RASAL2: variants seen among roughly 807,000 people sequenced by gnomAD.
RASAL2 encodes the protein ras GTPase-activating protein nGAP.
In RASAL2, 58 loss-of-function variants were observed where a neutral mutation model predicts 128.9. That is an observed-to-expected ratio of 0.45 (90% confidence interval 0.36 to 0.56). RASAL2 has a LOEUF of 0.56. Among genes scored for constraint, RASAL2 ranks in the 20% least tolerant of loss-of-function variants. The pLI is 0.00. For missense variants in RASAL2, 1,360 were observed against 1,601.6 expected (o/e 0.85, Z 2.57); for synonymous variants, 561 against 580.8 (o/e 0.97, Z 0.49).
At chr1:178,227,946 A>C (rs1248142876) in intron 1 of RASAL2, among the ~76,000 whole-genome samples, 2 of 152,198 alleles carry the variant, frequency 1.3e-5, no homozygotes, top group Non-Finnish European at 2.9e-5. Flanking sequence ...TATTTTCTTT[A>C]AAATTCCTAA....
intron 2 of RASAL2, among the ~76,000 whole-genome samples, chr1:178,299,017 G>T (rs1477261229): frequency 6.6e-6 from 1 of 151,868 alleles, no homozygotes; most frequent in Non-Finnish European, 1.5e-5. Context: ...TAGTATTAGA[G>T]ATTTTTTTTT....
At chr1:178,266,551 G>A (rs1165123954) in intron 1 of RASAL2, among the ~76,000 whole-genome samples, 3 of 152,148 alleles carry the variant, frequency 2.0e-5, no homozygotes, top group African/African-American at 4.8e-5. Context: ...TCGATAAGAC[G>A]ACATGGACAC....
intron 4 of RASAL2, among the ~76,000 whole-genome samples, 172 bp from the exon 5 acceptor site, chr1:178,420,339 A>C (rs751436207): frequency 6.6e-6 from 1 of 152,226 alleles, no homozygotes; most frequent in Non-Finnish European, 1.5e-5. Context: ...TTTTCTCATC[A>C]CATTGCCAGG....
intron 12 of RASAL2, chr1:178,456,418 G>T: frequency 4.7e-6 from 2 of 421,560 alleles, no homozygotes; most frequent in Non-Finnish European, 8.8e-6. Flanking sequence ...TATTTTAGTT[G>T]GAATGGCATT....
In RASAL2 at chr1:178,318,851, G is replaced by T. The variant is rs1170488100; in HGVS notation, c.457+18733G>T. On this transcript the variant is annotated intron_variant, in intron 3 of 17. Transcript: ENST00000367649. ...TCCTGTCATTATGATGTTAGCTGGT[G>T]ATTTTGCTCGTTAGTTGATGCAGTT... Among the ~76,000 whole-genome samples the T allele has an allele frequency of 8.6e-5, 13 of 151,852 alleles. No homozygotes were observed. The South Asian group carries it at 1.7e-3, about 20-fold the overall frequency.
chr1:178,094,585 G>T lies in RASAL2; in HGVS notation c.93G>T (p.Pro31=). The T allele has an allele frequency of 6.2e-7, 1 of 1,608,812 alleles. No homozygotes were observed. The highest frequency in any genetic ancestry group is 1.1e-5 in the South Asian group (1 of 90,126). ...PALESDSPLP[P]EDLDAVVPVS... ...TGGAGTCCGACTCGCCGCTGCCCCC[G>T]GAGGACCTGGACGCGGTTGTCCCAG... is the stretch of plus-strand genomic sequence containing the variant. Residue 31 remains proline (P), a synonymous_variant, in exon 1 of 18, where the codon CCG becomes CCT. Transcript: ENST00000367649.
At chr1:178,114,714 G>A (rs1202596557) in intron 1 of RASAL2, among the ~76,000 whole-genome samples, 1 of 152,112 alleles carries the variant, frequency 6.6e-6, no homozygotes, top group Non-Finnish European at 1.5e-5. Flanking sequence ...AGTAGAGACG[G>A]TGTTTCACCA....
chr1:178,286,975 T>C (rs932682576), intron 2 of RASAL2, among the ~76,000 whole-genome samples: 3 of 152,130 alleles, frequency 2.0e-5, no homozygotes, highest in African/African-American at 7.2e-5. Context: ...TCATTTCTTA[T>C]TTCAGCAATC....
chr1:178,439,490 T>G lies in RASAL2; in HGVS notation c.743T>G (p.Val248Gly). The G allele has an allele frequency of 6.2e-7, 1 of 1,612,896 alleles. No individual in the cohort carries two copies. The highest frequency in any genetic ancestry group is 8.5e-7 in the Non-Finnish European group (1 of 1,179,190). Residue 248 changes from valine (V) to glycine (G), a missense_variant, in exon 6 of 18, where the codon GTG (valine) becomes GGG (glycine). Physicochemically the swap from Val to Gly is moderately radical, Grantham distance 109 (BLOSUM62 -3). Transcript: ENST00000367649. Reference sequence around the variant, plus strand: ...TCCTTGCTGAGCCCATGCAGCACAGTGGAATGTCTGGATCTTGGTAGAGGG... The same window carrying G: ...TCCTTGCTGAGCCCATGCAGCACAGGGGAATGTCTGGATCTTGGTAGAGGG... The part of the protein sequence containing the change: ...HESLLSPCST[V>G]ECLDLGRGEP...
chr1:178,227,219 T>G (rs1663824945), intron 1 of RASAL2, among the ~76,000 whole-genome samples: 1 of 152,160 alleles, frequency 6.6e-6, no homozygotes, highest in Non-Finnish European at 1.5e-5. Context: ...ACCCTATTTA[T>G]TTTTGTATTT....
At chr1:178,322,908 A>C (rs940839669) in intron 3 of RASAL2, among the ~76,000 whole-genome samples, 1 of 152,168 alleles carries the variant, frequency 6.6e-6, no homozygotes, top group Admixed American at 6.5e-5. Context: ...GGTTCTGGCC[A>C]CATAGGACTG....
At chr1:178,237,809 AC>A (rs1664321139) in intron 1 of RASAL2, among the ~76,000 whole-genome samples, 1 of 152,130 alleles carries the variant, frequency 6.6e-6, no homozygotes, top group Non-Finnish European at 1.5e-5. Flanking sequence ...TTCAACCATC[AC>A]CATCATCCAT....
chr1:178,444,407 A>C (rs2102854758), intron 8 of RASAL2, among the ~76,000 whole-genome samples: 1 of 152,274 alleles, frequency 6.6e-6, no homozygotes, highest in African/African-American at 2.4e-5. Flanking sequence ...CTAAGTCTAC[A>C]ACTCTGTTAT....
chr1:178,293,426 A>G (rs1347927931), intron 2 of RASAL2, among the ~76,000 whole-genome samples: 1 of 152,244 alleles, frequency 6.6e-6, no homozygotes, highest in African/African-American at 2.4e-5. Context: ...AGAACAAGAC[A>G]CAGGAAACAG....
At chr1:178,367,993 C>T (rs1296776610) in intron 3 of RASAL2, among the ~76,000 whole-genome samples, 3 of 152,182 alleles carry the variant, frequency 2.0e-5, no homozygotes, top group Admixed American at 2.0e-4. Flanking sequence ...GGAACACAGC[C>T]ATGCCCATTA....
intron 1 of RASAL2, among the ~76,000 whole-genome samples, chr1:178,095,471 T>A (rs1471691163): frequency 6.6e-6 from 1 of 152,208 alleles, no homozygotes; most frequent in East Asian, 1.9e-4. Context: ...GAGCTGTGGC[T>A]TTCCAAAATA....
chr1:178,121,977 T>G (rs892312656), intron 1 of RASAL2, among the ~76,000 whole-genome samples: 1 of 151,974 alleles, frequency 6.6e-6, no homozygotes, highest in Non-Finnish European at 1.5e-5. Context: ...TGTTTTCTGG[T>G]TTTTTTTCTG....
chr1:178,202,399 A>T (rs530233975), intron 1 of RASAL2, among the ~76,000 whole-genome samples: 6 of 152,224 alleles, frequency 3.9e-5, no homozygotes, highest in Non-Finnish European at 8.8e-5. Context: ...TGGTTCACAG[A>T]TGGTTCTGCA....
intron 7 of RASAL2, 55 bp from the exon 8 acceptor site, chr1:178,442,620 T>A: frequency 2.8e-6 from 4 of 1,443,626 alleles, no homozygotes; most frequent in South Asian, 2.7e-5. Context: ...AAGAAAAAAA[T>A]GTTTTTTTTT....
Sources: allele counts gnomAD v4.1 joint callset (sites outside exome capture counted in the v4.1 genomes callset), GRCh38; gene constraint gnomAD v4.1.1; transcripts MANE v1.5; gene names NCBI Gene and HGNC (gene_info 2026-07-23, HGNC 2026-07-21).